The following USH2A variants were observed in gnomAD, a reference collection of about 807,000 sequenced individuals.
USH2A encodes the protein Usher syndrome 2A (autosomal recessive, mild).
In USH2A, 443 loss-of-function variants were observed where a neutral mutation model predicts 538.9. The ratio of observed to expected loss-of-function variants is 0.82; its 90% CI spans 0.76 to 0.89. USH2A has a LOEUF of 0.89. Among genes scored for constraint, USH2A ranks in the 40% least tolerant of loss-of-function variants. The probability of loss-of-function intolerance (pLI) is 0.00; values close to 1 mark genes in which losing one functional copy is unlikely to be tolerated. For missense variants in USH2A, 6,633 were observed against 6,324.8 expected (o/e 1.05, Z -1.65); for synonymous variants, 2,413 against 2,273.5 (o/e 1.06, Z -1.75).
At chr1:216,114,638 AAG>A (rs1486483053) in intron 21 of USH2A, among the ~76,000 whole-genome samples, 3 of 152,182 alleles carry the variant, frequency 2.0e-5, no homozygotes, top group African/African-American at 7.2e-5. Flanking sequence ...TTTAGGCTAA[AAG>A]AGGAAGAAAG....
chr1:215,909,651 A>G (rs1438778176), intron 38 of USH2A, among the ~76,000 whole-genome samples: 10 of 151,948 alleles, frequency 6.6e-5, no homozygotes, highest in Admixed American at 6.6e-4. Flanking sequence ...GGGCATTGAG[A>G]GTGATGAGGG....
intron 37 of USH2A, among the ~76,000 whole-genome samples, chr1:215,947,336 A>T (rs1290254286): frequency 6.6e-6 from 1 of 152,140 alleles, no homozygotes; most frequent in Non-Finnish European, 1.5e-5. Flanking sequence ...AAGCCACCGC[A>T]CCAAGCCCTA....
Position 216,247,246 on chromosome 1 carries a change from A to G in USH2A, c.2168-20T>C. The G allele has an allele frequency of 6.2e-7, 1 of 1,613,070 alleles. No individual in the cohort carries two copies. The highest frequency in any genetic ancestry group is 8.5e-7 in the Non-Finnish European group (1 of 1,179,476). On this transcript the variant is annotated intron_variant, in intron 12 of 71. Transcript: ENST00000307340. The stretch of plus-strand genomic sequence containing the variant: ...TAAGCCCTAAAGATAAAATATATTT[A>G]AAAGGTGAGGATGGGAAAATGATTT...
chr1:215,854,385 C>G (rs1340150872), intron 44 of USH2A, among the ~76,000 whole-genome samples: 1 of 152,102 alleles, frequency 6.6e-6, no homozygotes, highest in Non-Finnish European at 1.5e-5. Flanking sequence ...GGTGGGGATA[C>G]AGCCAAACCA....
chr1:216,112,691 T>A (rs1368207109), intron 21 of USH2A, among the ~76,000 whole-genome samples: 2 of 152,150 alleles, frequency 1.3e-5, no homozygotes, highest in African/African-American at 4.8e-5. Flanking sequence ...CTCCCACTTA[T>A]AAGTGAGAAT....
intron 4 of USH2A, among the ~76,000 whole-genome samples, chr1:216,334,748 C>T (rs1489187088): frequency 1.3e-5 from 2 of 151,812 alleles, no homozygotes; most frequent in East Asian, 3.9e-4. Context: ...TTTAAGATAT[C>T]AATCCATCAG....
intron 48 of USH2A, among the ~76,000 whole-genome samples, chr1:215,816,464 A>G (rs1289987232): frequency 1.3e-5 from 2 of 152,068 alleles, no homozygotes; most frequent in Non-Finnish European, 2.9e-5. Flanking sequence ...TTGTTGCCAA[A>G]TAGGAACATT....
intron 32 of USH2A, among the ~76,000 whole-genome samples, chr1:216,004,688 T>A (rs554716708): frequency 1.3e-5 from 2 of 152,326 alleles, no homozygotes; most frequent in South Asian, 4.1e-4. Context: ...CAAGAGAAGA[T>A]TTTTAAAGTA....
chr1:215,873,484 A>G (rs940177851), intron 43 of USH2A, among the ~76,000 whole-genome samples: 1 of 152,212 alleles, frequency 6.6e-6, no homozygotes, highest in Non-Finnish European at 1.5e-5. Flanking sequence ...TCATCTATAC[A>G]TATTTAATCT....
chr1:216,257,007 G>T (rs1409150214), intron 11 of USH2A, among the ~76,000 whole-genome samples: 1 of 151,714 alleles, frequency 6.6e-6, no homozygotes, highest in Non-Finnish European at 1.5e-5. Context: ...ACTTACACAT[G>T]TTATAAAACT....
At chr1:216,071,150 C>G (rs2031544961) in intron 29 of USH2A, among the ~76,000 whole-genome samples, 1 of 152,182 alleles carries the variant, frequency 6.6e-6, no homozygotes, top group South Asian at 2.1e-4. Flanking sequence ...GAGACCTGCT[C>G]TAGCTGCTCA....
intron 61 of USH2A, among the ~76,000 whole-genome samples, chr1:215,716,239 G>A (rs1256085032): frequency 6.6e-6 from 1 of 152,228 alleles, no homozygotes; most frequent in African/African-American, 2.4e-5. Context: ...ATTCTTTTCA[G>A]AATCAAACTG....
At position 216,156,080 on chromosome 1, in the gene USH2A, T is replaced by C. The variant is rs138507097; in HGVS notation, c.4627+19172A>G. ...TCAAAATTTTCAATGTGATGGCCCT[T>C]GCATGATCTGGCCCCTTTTTTATTT... On this transcript the variant is annotated intron_variant, in intron 21 of 71. Transcript: ENST00000307340. 3.3e-3 allele frequency among the ~76,000 whole-genome samples: 506 copies of C among 152,202 alleles called. 4 individuals carry two copies. Among genetic ancestry groups the C allele is most frequent in the African/African-American group, 0.012 (484 of 41,522 alleles).
At chr1:216,164,433 A>C (rs1022528884) in intron 21 of USH2A, among the ~76,000 whole-genome samples, 2 of 152,148 alleles carry the variant, frequency 1.3e-5, no homozygotes, top group African/African-American at 4.8e-5. Flanking sequence ...AAAGAAGTGG[A>C]AGAAAAGAAT....
intron 70 of USH2A, among the ~76,000 whole-genome samples, chr1:215,632,946 ATG>A (rs1419716712): frequency 2.6e-5 from 4 of 152,300 alleles, no homozygotes; most frequent in Non-Finnish European, 4.4e-5. Context: ...TGCCTATGAT[ATG>A]CCAGGCACCG....
intron 16 of USH2A, chr1:216,201,883 G>C (rs1392728021): frequency 6.3e-6 from 1 of 159,942 alleles, no homozygotes; most frequent in Non-Finnish European, 1.4e-5. Flanking sequence ...AGAAGAGACA[G>C]GGGAAAGTCA....
chr1:216,139,144 A>T (rs915671585), intron 21 of USH2A, among the ~76,000 whole-genome samples: 1 of 152,036 alleles, frequency 6.6e-6, no homozygotes, highest in African/African-American at 2.4e-5. Flanking sequence ...CAGCTTCAGT[A>T]TTTCCTCTAA....
At chr1:215,706,616 T>C (rs940150411) in intron 61 of USH2A, among the ~76,000 whole-genome samples, 2 of 152,128 alleles carry the variant, frequency 1.3e-5, no homozygotes, top group Non-Finnish European at 2.9e-5. Context: ...TAAGCAGACA[T>C]TTGGTGGCAC....
At chr1:215,956,268 C>T (rs190950750) in intron 37 of USH2A, among the ~76,000 whole-genome samples, 36 of 152,248 alleles carry the variant, frequency 2.4e-4, no homozygotes, top group Non-Finnish European at 4.3e-4. Flanking sequence ...TATAGGTAAA[C>T]ATTATATATC....
Sources: gnomAD v4.1 joint callset for allele counts (sites outside exome capture counted in the v4.1 genomes callset) on GRCh38, gnomAD v4.1.1 for gene constraint, MANE v1.5 for transcripts, NCBI Gene and HGNC (gene_info 2026-07-23, HGNC 2026-07-21) for gene names.